The following HCN1 variants were observed in gnomAD, a reference collection of about 807,000 sequenced individuals.
HCN1 encodes the protein potassium/sodium hyperpolarization-activated cyclic nucleotide-gated channel 1.
Under a neutral mutation model 78.9 loss-of-function variants are expected in HCN1, and 13 were observed. The observed-to-expected ratio is 0.16, with a 90% CI of 0.11 to 0.26. The LOEUF is 0.26. Ranked by LOEUF, HCN1 falls within the 10% of genes least tolerant of loss-of-function variation. HCN1 has a pLI of 1.00. For synonymous variants in HCN1, 552 were observed against 455.5 expected, an observed-to-expected ratio of 1.21 and a Z score of -2.70; for missense variants, 810 against 1,154.3, an observed-to-expected ratio of 0.70 and a Z score of 4.32.
intron 2 of HCN1, among the ~76,000 whole-genome samples, chr5:45,511,192 A>G (rs148507846): frequency 7.2e-4 from 110 of 152,226 alleles, no homozygotes; most frequent in Middle Eastern, 3.4e-3. Context: ...ATGTATTATT[A>G]GAATATAAGC....
At chr5:45,557,906 T>G (rs986424285) in intron 2 of HCN1, 2 of 152,006 alleles carry the variant, frequency 1.3e-5, no homozygotes, top group African/African-American at 4.8e-5. Flanking sequence ...ATTAGGTCAA[T>G]TAATTACTCC....
chr5:45,302,172 T>C (rs1745640575), intron 6 of HCN1, among the ~76,000 whole-genome samples: 1 of 152,094 alleles, frequency 6.6e-6, no homozygotes, highest in African/African-American at 2.4e-5. Flanking sequence ...TCATCTCAAA[T>C]TGTAATCACC....
intron 2 of HCN1, among the ~76,000 whole-genome samples, chr5:45,511,459 C>A (rs553567858): frequency 7.9e-5 from 12 of 152,042 alleles, no homozygotes; most frequent in Non-Finnish European, 1.8e-4. Context: ...ACACCCTCAG[C>A]CAGATGATGA....
At chr5:45,374,164 A>T (rs1305431428) in intron 4 of HCN1, among the ~76,000 whole-genome samples, 6 of 97,856 alleles carry the variant, frequency 6.1e-5, no homozygotes, top group African/African-American at 2.3e-4. Flanking sequence ...TATACATTAT[A>T]TACATAATAT....
intron 2 of HCN1, among the ~76,000 whole-genome samples, chr5:45,535,406 T>G (rs549577373): frequency 1.3e-5 from 2 of 152,284 alleles, no homozygotes; most frequent in East Asian, 1.9e-4. Context: ...GAGACCAGCA[T>G]AGCCAACATG....
At chr5:45,656,483 T>C (rs2112048657) in intron 1 of HCN1, among the ~76,000 whole-genome samples, 1 of 152,298 alleles carries the variant, frequency 6.6e-6, no homozygotes, top group African/African-American at 2.4e-5. Flanking sequence ...GCAGCAAACA[T>C]AGTGCTAGTC....
intron 2 of HCN1, among the ~76,000 whole-genome samples, chr5:45,494,348 C>T (rs1741971750): frequency 1.3e-5 from 2 of 152,168 alleles, no homozygotes; most frequent in Admixed American, 1.3e-4. Flanking sequence ...TCTCTGATGG[C>T]CAGTGATGGT....
intron 2 of HCN1, chr5:45,559,536 CAT>C (rs2111874378): frequency 6.6e-6 from 1 of 152,358 alleles, no homozygotes; most frequent in South Asian, 2.1e-4. Flanking sequence ...AGTAACTACA[CAT>C]GTGGTAGAAA....
At chr5:45,376,987 A>C (rs1193328434) in intron 4 of HCN1, among the ~76,000 whole-genome samples, 2 of 151,984 alleles carry the variant, frequency 1.3e-5, no homozygotes. Context: ...GGGCATATGA[A>C]GACTTGTTGA....
intron 2 of HCN1, among the ~76,000 whole-genome samples, chr5:45,637,165 A>T (rs1305717630): frequency 6.6e-6 from 1 of 152,156 alleles, no homozygotes; most frequent in African/African-American, 2.4e-5. Context: ...TTGGAAGGTC[A>T]TATAGTTTCA....
intron 1 of HCN1, among the ~76,000 whole-genome samples, chr5:45,652,112 A>C (rs1256006278): frequency 6.6e-6 from 1 of 152,026 alleles, no homozygotes; most frequent in Non-Finnish European, 1.5e-5. Flanking sequence ...CTAATGAAAT[A>C]GAAATTTAAA....
At chr5:45,615,992 G>A (rs1233397005) in intron 2 of HCN1, among the ~76,000 whole-genome samples, 4 of 150,616 alleles carry the variant, frequency 2.7e-5, no homozygotes, top group Admixed American at 6.6e-5. Context: ...AAAGCACTAT[G>A]CTAAATAATT....
intron 5 of HCN1, among the ~76,000 whole-genome samples, chr5:45,313,191 C>G (rs1282892726): frequency 6.6e-6 from 1 of 152,142 alleles, no homozygotes; most frequent in African/African-American, 2.4e-5. Context: ...GATCAGGCAG[C>G]AACATTTGCT....
rs7714006 is a variant in HCN1, at chr5:45,356,214, T to C, written c.1231-2968A>G. On this transcript the variant is annotated intron_variant, in intron 4 of 7. Transcript: ENST00000303230. Reference sequence around the variant, plus strand: ...TATGCAAAATATGACTTAGTATATTTAGTAGTCACAGACAAATAGATTTTT... The same window carrying C: ...TATGCAAAATATGACTTAGTATATTCAGTAGTCACAGACAAATAGATTTTT... Among the ~76,000 whole-genome samples the C allele has an allele frequency of 5.1e-3, 769 of 152,106 alleles. 2 individuals carry two copies. Among genetic ancestry groups the C allele is most frequent in the African/African-American group, 0.018 (736 of 41,550 alleles).
chr5:45,525,960 C>A (rs138126363), intron 2 of HCN1, among the ~76,000 whole-genome samples: 1 of 151,898 alleles, frequency 6.6e-6, no homozygotes. Flanking sequence ...GGAGAGCTAA[C>A]CCTTTCTAGC....
At chr5:45,605,640 C>T (rs893419923) in intron 2 of HCN1, among the ~76,000 whole-genome samples, 8 of 151,724 alleles carry the variant, frequency 5.3e-5, no homozygotes, top group African/African-American at 1.7e-4. Flanking sequence ...GAGTACATAG[C>T]CAAAGAGACT....
At chr5:45,464,617 T>G (rs1741231382) in intron 2 of HCN1, among the ~76,000 whole-genome samples, 1 of 152,154 alleles carries the variant, frequency 6.6e-6, no homozygotes, top group African/African-American at 2.4e-5. Flanking sequence ...GTCAAACCCA[T>G]ATATCTTCAT....
intron 2 of HCN1, among the ~76,000 whole-genome samples, chr5:45,468,499 T>C (rs1219930996): frequency 6.6e-6 from 1 of 152,148 alleles, no homozygotes; most frequent in Non-Finnish European, 1.5e-5. Flanking sequence ...TTTTCAACTA[T>C]ATTTTACCTT....
chr5:45,512,025 T>C (rs1352948592), intron 2 of HCN1, among the ~76,000 whole-genome samples: 1 of 152,088 alleles, frequency 6.6e-6, no homozygotes, highest in Admixed American at 6.6e-5. Context: ...TTCATGGCCC[T>C]TAAAGTTAAG....
Sources: allele counts gnomAD v4.1 joint callset (sites outside exome capture counted in the v4.1 genomes callset), GRCh38; gene constraint gnomAD v4.1.1; transcripts MANE v1.5; gene names NCBI Gene and HGNC (gene_info 2026-07-23, HGNC 2026-07-21).